Variants in BICRA observed in about 807,000 individuals in gnomAD.
BICRA encodes the protein BRD4 interacting chromatin remodeling complex associated protein.
BICRA carries 31 observed loss-of-function variants against 96.9 expected under a neutral mutation model. That is an observed-to-expected ratio of 0.32 (90% CI 0.24 to 0.43). The LOEUF (loss-of-function observed/expected upper bound fraction) is 0.43. Ranked by LOEUF, BICRA falls within the 20% of genes least tolerant of loss-of-function variation. The pLI, the probability that BICRA is intolerant of heterozygous loss-of-function variation, is 1.00. For synonymous variants in BICRA, 1,350 were observed against 1,071.8 expected, an observed-to-expected ratio of 1.26 and a Z score of -5.07; for missense variants, 2,283 against 2,190.3, an observed-to-expected ratio of 1.04 and a Z score of -0.84.
At chr19:47,664,929 C>T (rs764081739) in intron 1 of BICRA, among the ~76,000 whole-genome samples, 3 of 152,106 alleles carry the variant, frequency 2.0e-5, no homozygotes, top group Non-Finnish European at 4.4e-5. Context: ...GGGCAGCGGA[C>T]AGATGGTTAA....
chr19:47,646,603 G>A (rs934442992), intron 1 of BICRA, among the ~76,000 whole-genome samples: 5 of 152,236 alleles, frequency 3.3e-5, no homozygotes, highest in South Asian at 2.1e-4. Flanking sequence ...CACTTCACCC[G>A]TATTAATTCG....
intron 1 of BICRA, among the ~76,000 whole-genome samples, chr19:47,629,285 G>A (rs1200101681): frequency 1.3e-5 from 2 of 152,074 alleles, no homozygotes; most frequent in African/African-American, 2.4e-5. Flanking sequence ...TTACAGGCGT[G>A]AGCCACCACA....
At chr19:47,646,269 G>T (rs538821615) in intron 1 of BICRA, among the ~76,000 whole-genome samples, 1 of 152,272 alleles carries the variant, frequency 6.6e-6, no homozygotes, top group Non-Finnish European at 1.5e-5. Context: ...GCCTCACAGT[G>T]TGGACACCAG....
intron 1 of BICRA, among the ~76,000 whole-genome samples, chr19:47,624,167 T>C (rs1036205520): frequency 6.6e-6 from 1 of 152,144 alleles, no homozygotes; most frequent in African/African-American, 2.4e-5. Flanking sequence ...GACTCCCTAG[T>C]GCCCTCAGGT....
chr19:47,662,838 C>A (rs1361393004), intron 1 of BICRA: 1 of 152,160 alleles, frequency 6.6e-6, no homozygotes, highest in African/African-American at 2.4e-5. Context: ...TTGCAATCAA[C>A]CACAGTGGCC....
intron 1 of BICRA, among the ~76,000 whole-genome samples, chr19:47,622,497 G>A (rs1024484347): frequency 1.4e-4 from 21 of 150,290 alleles, no homozygotes; most frequent in Admixed American, 1.1e-3. Context: ...GGCTGAGGCG[G>A]GCAGATCACG....
chr19:47,625,060 C>T (rs952347453), intron 1 of BICRA, among the ~76,000 whole-genome samples: 1 of 134,078 alleles, frequency 7.5e-6, no homozygotes, highest in African/African-American at 2.8e-5. Context: ...AGTGCAGTGA[C>T]GTGATCTCAG....
In BICRA at chr19:47,680,943, C is replaced by T; in HGVS notation, c.1773C>T (p.Ser591=). 2.0e-6 allele frequency: 3 copies of T among 1,478,096 alleles called. No homozygotes were observed. The highest frequency in any genetic ancestry group is 1.8e-6 in the Non-Finnish European group (2 of 1,124,914). 91.6% of individuals were successfully genotyped at this position (1,478,096 alleles called of 1,614,324 possible). The change falls in exon 6 of 15, where the codon AGC becomes AGT. Residue 591 remains serine (S), a synonymous_variant. Transcript: ENST00000594866. Reference sequence around the variant, plus strand: ...TCCAGGGGGTCACCCTGCCCCCCAGCGCCGTGGCCATGCTCAACACCCCCG... The same window carrying T: ...TCCAGGGGGTCACCCTGCCCCCCAGTGCCGTGGCCATGCTCAACACCCCCG... ...TVLQGVTLPP[S]AVAMLNTPDG...
intron 1 of BICRA, among the ~76,000 whole-genome samples, chr19:47,655,124 G>C (rs933537551): frequency 1.3e-5 from 2 of 152,238 alleles, no homozygotes; most frequent in Middle Eastern, 6.8e-3. Context: ...GTCAAGCAAC[G>C]CCACACCCTG....
At position 47,680,286 on chromosome 19, in the gene BICRA, G is replaced by A. The variant is rs868203018; in HGVS notation, c.1116G>A (p.Ala372=). The part of the protein sequence containing the change: ...KLYQLTPKPF[A]PAGATLTIQG... ...ACCAGCTGACGCCCAAGCCGTTTGC[G>A]CCCGCGGGCGCCACGCTCACCATCC... The change falls in exon 6 of 15, where the codon GCG becomes GCA. Residue 372 remains alanine (A), a synonymous_variant. Transcript: ENST00000594866. 37 of 1,556,022 alleles carry A rather than the reference G, an allele frequency of 2.4e-5. No homozygotes were observed. In the Middle Eastern group the frequency reaches 1.2e-3, roughly 49 times the overall value.
At position 47,701,388 on chromosome 19, in the gene BICRA, A is replaced by T. The variant is rs1361685442; in HGVS notation, c.3656A>T (p.His1219Leu). Residue 1219 changes from histidine to leucine, a missense_variant, in exon 15 of 15, where the codon CAT (histidine) becomes CTT (leucine). By Grantham distance (99) the His-to-Leu change is moderately conservative (BLOSUM62 -3). Coordinates refer to ENST00000594866, the MANE Select transcript of BICRA (RefSeq NM_001394372.1). This position sits in a 1 kb window ranked among gnomAD's most constrained non-coding sequence, Gnocchi z 5.4. ...CCCATCGCAGCCTCTTCCGAGGGTC[A>T]TCGGCTTCCCGGCCACGGCCCCCTG... ...GLPIAASSEG[H>L]RLPGHGPLSS... 6.2e-7 allele frequency: 1 copy of T among 1,608,630 alleles called. No individual in the cohort carries two copies. The highest frequency in any genetic ancestry group is 2.2e-5 in the East Asian group (1 of 44,676).
chr19:47,683,133 T>A (rs1050082009), intron 7 of BICRA, among the ~76,000 whole-genome samples: 6 of 152,224 alleles, frequency 3.9e-5, no homozygotes, highest in African/African-American at 1.4e-4. Flanking sequence ...TGTCGTTTTG[T>A]AGGGTAAGTT....
intron 1 of BICRA, among the ~76,000 whole-genome samples, chr19:47,660,948 G>A (rs1043030840): frequency 5.3e-5 from 8 of 152,126 alleles, no homozygotes; most frequent in Admixed American, 2.6e-4. Flanking sequence ...GGTGGCTCAC[G>A]CCTCTAATCC....
intron 1 of BICRA, among the ~76,000 whole-genome samples, chr19:47,643,242 T>C (rs1383077155): frequency 6.6e-6 from 1 of 152,260 alleles, no homozygotes; most frequent in Non-Finnish European, 1.5e-5. Context: ...AGTGCTGGGA[T>C]TACAGGCATG....
chr19:47,624,039 C>T (rs552543972), intron 1 of BICRA, among the ~76,000 whole-genome samples: 15 of 152,020 alleles, frequency 9.9e-5, no homozygotes, highest in African/African-American at 3.1e-4. Context: ...TTAGTAGCGT[C>T]GGGGTTTCTC....
rs375226199 is a variant in BICRA, at chr19:47,696,488, C to T, written c.3224C>T (p.Thr1075Met). 4.5e-5 allele frequency: 72 copies of T among 1,604,762 alleles called. No individual in the cohort carries two copies. Among genetic ancestry groups the T allele is most frequent in the Non-Finnish European group, 5.4e-5 (63 of 1,175,914 alleles). ...CTGAGTGGCCTGAAGAAGCCCCCCA[C>T]GCTTCAGCCCAGCAAGGAAGCCTGG... ...SKLSGLKKPP[T>M]LQPSKEACFL... The change falls in exon 11 of 15, where the codon ACG becomes ATG. Residue 1075 changes from threonine to methionine, a missense_variant. Transcript: ENST00000594866.
intron 1 of BICRA, among the ~76,000 whole-genome samples, chr19:47,618,955 A>G (rs890408096): frequency 1.3e-5 from 2 of 152,182 alleles, no homozygotes; most frequent in East Asian, 1.9e-4. Context: ...CCTGCCTCAC[A>G]GGGTGGCTGT....
At chr19:47,642,571 A>C (rs1041887199) in intron 1 of BICRA, among the ~76,000 whole-genome samples, 1 of 151,964 alleles carries the variant, frequency 6.6e-6, no homozygotes, top group African/African-American at 2.4e-5. Flanking sequence ...GCATGGTGGC[A>C]CGCGCCTGTA....
At chr19:47,630,767 T>C (rs1972210690) in intron 1 of BICRA, among the ~76,000 whole-genome samples, 1 of 152,140 alleles carries the variant, frequency 6.6e-6, no homozygotes. Flanking sequence ...TTTGTTTGGG[T>C]TTATATCTAG....
Sources: gnomAD v4.1 joint callset for allele counts (sites outside exome capture counted in the v4.1 genomes callset) on GRCh38, gnomAD v4.1.1 for gene constraint, Gnocchi (gnomAD v3.1) non-coding constraint, MANE v1.5 for transcripts, NCBI Gene and HGNC (gene_info 2026-07-23, HGNC 2026-07-21) for gene names.